NRG3: variants seen among roughly 807,000 people sequenced by gnomAD.
NRG3 encodes pro-neuregulin-3, membrane-bound isoform.
A neutral mutation model predicts 66.9 loss-of-function variants in NRG3; 31 were observed. The ratio of observed to expected loss-of-function variants is 0.46; its 90% CI spans 0.35 to 0.63. The LOEUF (loss-of-function observed/expected upper bound fraction) is 0.63, where lower values mean the gene tolerates loss of function less well. Ranked by LOEUF, NRG3 falls within the 20% of genes least tolerant of loss-of-function variation. The pLI, the probability that NRG3 is intolerant of heterozygous loss-of-function variation, is 0.00. For missense variants in NRG3, 910 were observed against 878.9 expected (o/e 1.04, Z -0.45); for synonymous variants, 393 against 359.4 (o/e 1.09, Z -1.06).
intron 3 of NRG3, among the ~76,000 whole-genome samples, chr10:82,841,408 G>C (rs866443753): frequency 2.8e-4 from 43 of 152,268 alleles, no homozygotes; most frequent in Admixed American, 1.6e-3. Context: ...AATATGAATA[G>C]TGATGATTAA....
intron 1 of NRG3, among the ~76,000 whole-genome samples, chr10:82,027,940 A>G (rs1316838876): frequency 2.0e-5 from 3 of 152,060 alleles, no homozygotes; most frequent in Non-Finnish European, 4.4e-5. Flanking sequence ...TGTGCAAGCA[A>G]TGCAGACTTG....
Position 82,631,295 on chromosome 10 carries a change from G to A in NRG3, c.954-107282G>A, listed in dbSNP as rs149381776. ...CAAATTCCCCGGATGAGGGAGAGCCGTCTTGCTAGATGATCATGACTTCTG... is the reference window on the plus strand; with the variant it reads ...CAAATTCCCCGGATGAGGGAGAGCCATCTTGCTAGATGATCATGACTTCTG... On this transcript the variant is annotated intron_variant, in intron 2 of 8. Transcript: ENST00000372141. Among the ~76,000 whole-genome samples, 155 of 152,212 alleles carry A rather than the reference G, an allele frequency of 1.0e-3. 2 individuals carry two copies. The highest frequency in any genetic ancestry group is 3.5e-3 in the African/African-American group (147 of 41,534).
intron 1 of NRG3, among the ~76,000 whole-genome samples, chr10:82,112,270 AC>A (rs1169193623): frequency 1.3e-5 from 2 of 151,840 alleles, no homozygotes; most frequent in Non-Finnish European, 2.9e-5. Context: ...AAAACAAAAC[AC>A]CTTGCCTACC....
intron 1 of NRG3, among the ~76,000 whole-genome samples, chr10:82,047,921 A>C (rs2063387349): frequency 6.6e-6 from 1 of 152,098 alleles, no homozygotes. Context: ...AAGCAAATGG[A>C]AAACAAAAAA....
chr10:82,409,026 C>T (rs1418957478), intron 2 of NRG3, among the ~76,000 whole-genome samples: 1 of 152,050 alleles, frequency 6.6e-6, no homozygotes, highest in Non-Finnish European at 1.5e-5. Flanking sequence ...ATGGGGAAAC[C>T]TAGGTGGCCC....
At chr10:82,235,498 T>C (rs2076709310) in intron 1 of NRG3, among the ~76,000 whole-genome samples, 1 of 152,216 alleles carries the variant, frequency 6.6e-6, no homozygotes, top group Non-Finnish European at 1.5e-5. Context: ...GACTCTATTA[T>C]GTTCCAGGCA....
At chr10:82,616,928 A>G (rs975199968) in intron 2 of NRG3, among the ~76,000 whole-genome samples, 6 of 152,152 alleles carry the variant, frequency 3.9e-5, no homozygotes, top group East Asian at 1.9e-4. Context: ...AATTATTTTT[A>G]CTTTGTATAT....
At chr10:82,691,481 T>G (rs994442963) in intron 2 of NRG3, among the ~76,000 whole-genome samples, 9 of 152,168 alleles carry the variant, frequency 5.9e-5, no homozygotes, top group Non-Finnish European at 1.3e-4. Flanking sequence ...TCCTGGTTGC[T>G]GACATGATTC....
chr10:82,575,142 A>G (rs1202762666), intron 2 of NRG3, among the ~76,000 whole-genome samples: 2 of 151,788 alleles, frequency 1.3e-5, no homozygotes, highest in African/African-American at 2.4e-5. Context: ...GCATTCCACA[A>G]TGCATACGTA....
chr10:82,541,367 G>C (rs992611436), intron 2 of NRG3, among the ~76,000 whole-genome samples: 1 of 152,132 alleles, frequency 6.6e-6, no homozygotes, highest in South Asian at 2.1e-4. Context: ...GGAAGGAAAG[G>C]CCTTTATTCA....
rs918416805 is a variant in NRG3, at chr10:81,975,856, C to G, written c.823+99693C>G. Among the ~76,000 whole-genome samples, 17 of 152,180 alleles carry G rather than the reference C, an allele frequency of 1.1e-4. No homozygotes were observed. In the East Asian group the frequency reaches 3.1e-3, roughly 28 times the overall value. On this transcript the variant is annotated intron_variant, in intron 1 of 8. Transcript: ENST00000372141. ...GTGCTCCCAATATAATCACAAGGGT[C>G]TTTTAAATGAGGAAGAAGAAAACAG...
chr10:82,315,332 C>T (rs933685283), intron 1 of NRG3, among the ~76,000 whole-genome samples: 1 of 152,210 alleles, frequency 6.6e-6, no homozygotes, highest in Admixed American at 6.5e-5. Context: ...TATTGAACAG[C>T]AGAGCTGATC....
At chr10:82,682,398 CAGATAGATAGATAGATAGAT>C (rs57109130) in intron 2 of NRG3, among the ~76,000 whole-genome samples, 1 of 149,520 alleles carries the variant, frequency 6.7e-6, no homozygotes, top group African/African-American at 2.5e-5. Context: ...AGTAGATAGA[CAGATAGATAGATAGATAGAT>C]AGATAGATAG....
intron 1 of NRG3, among the ~76,000 whole-genome samples, chr10:82,173,252 T>C (rs1264357677): frequency 2.6e-5 from 4 of 151,752 alleles, no homozygotes; most frequent in African/African-American, 9.7e-5. Flanking sequence ...AAAAGGCCAA[T>C]GTAGCCAGAT....
At chr10:81,944,990 G>A (rs2133130637) in intron 1 of NRG3, among the ~76,000 whole-genome samples, 1 of 152,108 alleles carries the variant, frequency 6.6e-6, no homozygotes, top group East Asian at 1.9e-4. Flanking sequence ...CTGCCCCTGA[G>A]CTCTAATGGT....
At chr10:82,652,482 A>G (rs748170342) in intron 2 of NRG3, among the ~76,000 whole-genome samples, 20 of 152,176 alleles carry the variant, frequency 1.3e-4, no homozygotes, top group Non-Finnish European at 2.5e-4. Flanking sequence ...AGATGGATTT[A>G]TCTCAGAAGT....
chr10:82,174,920 T>C (rs1393098585), intron 1 of NRG3, among the ~76,000 whole-genome samples: 6 of 152,162 alleles, frequency 3.9e-5, no homozygotes, highest in Non-Finnish European at 8.8e-5. Context: ...TAATTTCAAT[T>C]TACAAATTCC....
chr10:81,926,650 T>G (rs77858205), intron 1 of NRG3, among the ~76,000 whole-genome samples: 37 of 152,340 alleles, frequency 2.4e-4, no homozygotes, highest in African/African-American at 8.7e-4. Context: ...CAATCTTTTA[T>G]TGTGGAAGTC....
At chr10:82,761,965 TTTCTTTC>T (rs1565287457) in intron 3 of NRG3, among the ~76,000 whole-genome samples, 1 of 144,534 alleles carries the variant, frequency 6.9e-6, no homozygotes, top group Non-Finnish European at 1.5e-5. Flanking sequence ...TCTTTCTTTC[TTTCTTTC>T]TTTTCTTTCT....
Sources: gnomAD v4.1 joint callset for allele counts (sites outside exome capture counted in the v4.1 genomes callset) on GRCh38, gnomAD v4.1.1 for gene constraint, MANE v1.5 for transcripts, NCBI Gene and HGNC (gene_info 2026-07-23, HGNC 2026-07-21) for gene names.